Variants in SAP30BP observed in about 807,000 individuals in gnomAD.
SAP30BP encodes SAP30-binding protein.
Under a neutral mutation model 46.3 loss-of-function variants are expected in SAP30BP, and 31 were observed. That is an observed-to-expected ratio of 0.67 (90% CI 0.50 to 0.90). The LOEUF (loss-of-function observed/expected upper bound fraction) is 0.90. Ranked by LOEUF, SAP30BP falls within the 40% of genes least tolerant of loss-of-function variation. The probability of loss-of-function intolerance (pLI) is 0.00; values close to 1 mark genes in which losing one functional copy is unlikely to be tolerated. For missense variants in SAP30BP, 312 were observed against 391.0 expected, an observed-to-expected ratio of 0.80 and a Z score of 1.70; for synonymous variants, 169 against 144.2, an observed-to-expected ratio of 1.17 and a Z score of -1.23.
At chr17:75,677,002 T>C (rs1385538434) in intron 3 of SAP30BP, among the ~76,000 whole-genome samples, 1 of 152,134 alleles carries the variant, frequency 6.6e-6, no homozygotes, top group African/African-American at 2.4e-5. Flanking sequence ...GCAGCAGAAG[T>C]ATTTATGCAT....
Position 75,706,127 on chromosome 17 carries a change from A to G in SAP30BP, c.745+35A>G, listed in dbSNP as rs371531197. 168 of 1,595,824 alleles carry G rather than the reference A, an allele frequency of 1.1e-4. No individual in the cohort carries two copies. Among genetic ancestry groups the G allele is most frequent in the Non-Finnish European group, 1.3e-4 (154 of 1,171,544 alleles). ...AGAGCTGCCCTGCCTCCTGCCACAC[A>G]CATGGAGCCAGGGTCTCCCTGGCTT... On this transcript the variant is annotated intron_variant, in intron 10 of 10. Transcript: ENST00000584667. The surrounding 1 kb of genome is among the most constrained non-coding windows in gnomAD (Gnocchi z 4.6).
intron 4 of SAP30BP, among the ~76,000 whole-genome samples, chr17:75,696,763 CCT>C: frequency 8.3e-6 from 1 of 119,972 alleles, no homozygotes; most frequent in Admixed American, 1.1e-4. Context: ...GGGCTCCCCT[CCT>C]CTTTTTTTTT....
chr17:75,672,787 T>C lies in SAP30BP; in HGVS notation c.264+924T>C, dbSNP rs895823506. On this transcript the variant is annotated intron_variant, in intron 3 of 10. Coordinates refer to ENST00000584667, the MANE Select transcript of SAP30BP (RefSeq NM_013260.8). ...GCCTGGCCAGTATGGTGAAACCCCG[T>C]CTCTACTAAAAATACAAAAATTAAC... is the stretch of plus-strand genomic sequence containing the variant. Among the ~76,000 whole-genome samples the C allele has an allele frequency of 7.9e-5, 12 of 151,930 alleles. 1 individual carries two copies. Among genetic ancestry groups the C allele is most frequent in the Non-Finnish European group, 1.5e-4 (10 of 67,990 alleles).
In SAP30BP at chr17:75,706,524, T is replaced by G. The variant is rs143414711; in HGVS notation, c.*3T>G. 3.6e-4 allele frequency: 579 copies of G among 1,613,718 alleles called. 3 individuals are homozygous for G. The African/African-American group carries it at 6.9e-3, about 19-fold the overall frequency. On this transcript the variant is annotated 3_prime_UTR_variant, in exon 11 of 11. Coordinates refer to ENST00000584667, the MANE Select transcript of SAP30BP (RefSeq NM_013260.8). The surrounding 1 kb of genome is among the most constrained non-coding windows in gnomAD (Gnocchi z 4.6). ...TTGTGAAGAAGGCCAAGCAGTGACC[T>G]GAGGGGCCACCCTAGGACTTGAAAG...
At chr17:75,669,356 G>T (rs1323031227) in intron 2 of SAP30BP, among the ~76,000 whole-genome samples, 1 of 151,914 alleles carries the variant, frequency 6.6e-6, no homozygotes, top group Non-Finnish European at 1.5e-5. Context: ...CAATTCTCCT[G>T]CCCTCAGCCT....
chr17:75,692,367 TCTC>T lies in SAP30BP; in HGVS notation c.265-1068_265-1066del, dbSNP rs1301601451. The T allele has an allele frequency of 2.6e-5, 26 of 985,300 alleles. No individual in the cohort carries two copies. The South Asian group carries it at 5.2e-4, about 20-fold the overall frequency. The allele number at this position is 985,300 out of a possible 1,614,324, so 61.0% of individuals were successfully genotyped here. ...CTTGTTGCAGGGTCTTCCTGTCTCATCTCCTCCCTCACTCATCAGCAGGAAAAG... is the reference window on the plus strand; with the variant it reads ...CTTGTTGCAGGGTCTTCCTGTCTCATCTCCCTCACTCATCAGCAGGAAAAG... On this transcript the variant is annotated intron_variant, in intron 3 of 10. Coordinates refer to ENST00000584667, the MANE Select transcript of SAP30BP (RefSeq NM_013260.8).
rs550384245 is a variant in SAP30BP, at chr17:75,703,734, A to G, written c.550-74A>G. On this transcript the variant is annotated intron_variant, in intron 7 of 10. Coordinates refer to ENST00000584667, the MANE Select transcript of SAP30BP (RefSeq NM_013260.8). ...AGGGGACCCCAGACCAAGAAGCTCT[A>G]TGGGAAGACTTGGGCCAGGAACTTG... 2.7e-5 allele frequency: 36 copies of G among 1,339,226 alleles called. No individual in the cohort carries two copies. The South Asian group carries it at 3.4e-4, about 13-fold the overall frequency. 83.0% of individuals were successfully genotyped at this position (1,339,226 alleles called of 1,614,324 possible).
At chr17:75,680,162 A>C (rs1413067574) in intron 3 of SAP30BP, among the ~76,000 whole-genome samples, 1 of 152,114 alleles carries the variant, frequency 6.6e-6, no homozygotes, top group Non-Finnish European at 1.5e-5. Context: ...TGATCTAGGA[A>C]AAGATCTAGA....
chr17:75,707,207 G>A lies in SAP30BP; in HGVS notation c.*686G>A, dbSNP rs1213282536. 1 of 152,512 alleles carries A rather than the reference G, an allele frequency of 6.6e-6. No individual in the cohort carries two copies. The highest frequency in any genetic ancestry group is 1.5e-5 in the Non-Finnish European group (1 of 68,272). 9.4% of individuals were successfully genotyped at this position (152,512 alleles called of 1,614,324 possible). A position where few individuals can be genotyped will look rare whatever the true frequency, so the allele number is the denominator to read the frequency against. On this transcript the variant is annotated 3_prime_UTR_variant, in exon 11 of 11. Transcript: ENST00000584667. ...TCAGCGCCTGGCCAGGGCTGCCCCA[G>A]TCCTTTGGTGCCCGGTGAGCGCAGC...
In SAP30BP at chr17:75,667,401, C is replaced by T. The variant is rs769337240; in HGVS notation, c.29C>T (p.Ser10Phe). Residue 10 changes from serine (S) to phenylalanine (F), a missense_variant, in exon 1 of 11, where the codon TCT becomes TTT. Ser to Phe is a radical substitution (Grantham distance 155, BLOSUM62 -2). Coordinates refer to ENST00000584667, the MANE Select transcript of SAP30BP (RefSeq NM_013260.8). ...GCGGGGAAGAAGAATGTTCTGTCGT[C>T]TCTCGCAGTTTACGCGGAAGATTCA... MAGKKNVLS[S>F]LAVYAEDSEP... is the part of the protein sequence containing the mutation. The T allele has an allele frequency of 4.3e-6, 7 of 1,614,232 alleles. No individual in the cohort carries two copies. The highest frequency in any genetic ancestry group is 4.5e-5 in the East Asian group (2 of 44,888).
At chr17:75,685,990 T>A (rs917208111) in intron 3 of SAP30BP, among the ~76,000 whole-genome samples, 7 of 152,230 alleles carry the variant, frequency 4.6e-5, no homozygotes, top group Non-Finnish European at 1.0e-4. Flanking sequence ...AAAGTCCCCC[T>A]TGGAAATAGC....
rs770753282 is a variant in SAP30BP at position 75,706,565 on chromosome 17, TGACCAC to T, written c.*45_*50del. On this transcript the variant is annotated 3_prime_UTR_variant, in exon 11 of 11. Transcript: ENST00000584667. The surrounding 1 kb of genome is among the most constrained non-coding windows in gnomAD (Gnocchi z 4.6). Reference sequence around the variant, plus strand: ...GACTTGAAAGGACCGTGCAGCCCAGTGACCACTGCCCAGTGGGAGGCGCCACTTTGT... The same window carrying T: ...GACTTGAAAGGACCGTGCAGCCCAGTTGCCCAGTGGGAGGCGCCACTTTGT... 11 of 1,576,618 alleles carry T rather than the reference TGACCAC, an allele frequency of 7.0e-6. No individual in the cohort carries two copies. Among genetic ancestry groups the T allele is most frequent in the Non-Finnish European group, 8.7e-6 (10 of 1,149,328 alleles).
chr17:75,667,661 C>T (rs2059815777), intron 1 of SAP30BP, among the ~76,000 whole-genome samples, 183 bp downstream of exon 1: 2 of 152,178 alleles, frequency 1.3e-5, no homozygotes. Flanking sequence ...GAATCTCCTT[C>T]CCGTTATTTC....
chr17:75,702,153 G>A (rs1239008098), intron 5 of SAP30BP, among the ~76,000 whole-genome samples: 7 of 152,176 alleles, frequency 4.6e-5, no homozygotes, highest in Non-Finnish European at 8.8e-5. Context: ...TTCCCAAGTA[G>A]CTGGGACTAC....
chr17:75,671,027 T>C (rs1032261186), intron 2 of SAP30BP, among the ~76,000 whole-genome samples: 4 of 152,200 alleles, frequency 2.6e-5, no homozygotes, highest in Non-Finnish European at 5.9e-5. Context: ...TCTTTGACCT[T>C]CATAGCATCA....
At position 75,706,657 on chromosome 17, in the gene SAP30BP, T is replaced by G; in HGVS notation, c.*136T>G. On this transcript the variant is annotated 3_prime_UTR_variant, in exon 11 of 11. Coordinates refer to ENST00000584667, the MANE Select transcript of SAP30BP (RefSeq NM_013260.8). This position sits in a 1 kb window ranked among gnomAD's most constrained non-coding sequence, Gnocchi z 4.6. The stretch of plus-strand genomic sequence containing the variant: ...CCTGAGAGGAGCTTCTGTTTGGCAT[T>G]CCAGATGGAAGGACAGGCAGCACGG... The G allele has an allele frequency of 1.2e-6, 1 of 810,106 alleles. No homozygotes were observed. The highest frequency in any genetic ancestry group is 1.9e-6 in the Non-Finnish European group (1 of 513,768). 50.2% of individuals were successfully genotyped at this position (810,106 alleles called of 1,614,324 possible). A position where few individuals can be genotyped will look rare whatever the true frequency, so the allele number is the denominator to read the frequency against.
chr17:75,675,467 G>T (rs957880432), intron 3 of SAP30BP, among the ~76,000 whole-genome samples: 1 of 152,030 alleles, frequency 6.6e-6, no homozygotes, highest in African/African-American at 2.4e-5. Context: ...GGTTTTTTAA[G>T]ATCTTTTAAT....
chr17:75,672,610 G>T (rs897330872), intron 3 of SAP30BP, among the ~76,000 whole-genome samples: 13 of 152,084 alleles, frequency 8.5e-5, no homozygotes, highest in African/African-American at 3.1e-4. Flanking sequence ...CAAAGAAAAA[G>T]ACTTAATTAT....
intron 4 of SAP30BP, among the ~76,000 whole-genome samples, chr17:75,693,909 G>C (rs2060276169): frequency 6.6e-6 from 1 of 152,224 alleles, no homozygotes; most frequent in Non-Finnish European, 1.5e-5. Flanking sequence ...GCAGGAACAT[G>C]CCTCACAGCC....
Sources: gnomAD v4.1 joint callset for allele counts (sites outside exome capture counted in the v4.1 genomes callset) on GRCh38, gnomAD v4.1.1 for gene constraint, Gnocchi (gnomAD v3.1) non-coding constraint, MANE v1.5 for transcripts, NCBI Gene and HGNC (gene_info 2026-07-23, HGNC 2026-07-21) for gene names.